BRD1: variants seen among roughly 807,000 people sequenced by gnomAD.
BRD1 encodes the protein bromodomain-containing protein 1.
A neutral mutation model predicts 107.7 loss-of-function variants in BRD1; 24 were observed. The observed-to-expected ratio is 0.22, with a 90% CI of 0.16 to 0.31. BRD1 has a LOEUF of 0.31. BRD1 is among the 10% of genes least tolerant of loss of function. BRD1 has a pLI of 1.00. For synonymous variants in BRD1, 744 were observed against 686.1 expected (o/e 1.08, Z -1.32); for missense variants, 1,279 against 1,638.6 (o/e 0.78, Z 3.79).
At chr22:49,821,219 G>A (rs887920121) in intron 2 of BRD1, among the ~76,000 whole-genome samples, 1 of 152,220 alleles carries the variant, frequency 6.6e-6, no homozygotes, top group Non-Finnish European at 1.5e-5. Flanking sequence ...CTCTCCCAGA[G>A]CAGGTCATCA....
chr22:49,816,286 T>C (rs1423976525), intron 2 of BRD1, among the ~76,000 whole-genome samples: 1 of 151,890 alleles, frequency 6.6e-6, no homozygotes, highest in Non-Finnish European at 1.5e-5. Context: ...AAGGATGCAG[T>C]GACCTAGGAT....
chr22:49,801,916 T>G (rs1209968719), intron 3 of BRD1, among the ~76,000 whole-genome samples: 1 of 152,340 alleles, frequency 6.6e-6, no homozygotes, highest in Non-Finnish European at 1.5e-5. Context: ...CTGCAGGGAT[T>G]CTGGCCCTCG....
At chr22:49,818,843 G>A (rs972968532) in intron 2 of BRD1, among the ~76,000 whole-genome samples, 2 of 152,042 alleles carry the variant, frequency 1.3e-5, no homozygotes, top group African/African-American at 4.8e-5. Context: ...CCGAGATCGT[G>A]CCACTGCGCT....
intron 2 of BRD1, among the ~76,000 whole-genome samples, chr22:49,811,606 T>C (rs2059851136): frequency 1.3e-5 from 2 of 152,338 alleles, no homozygotes; most frequent in Non-Finnish European, 2.9e-5. Context: ...ACAGGGAGAC[T>C]GTGATCACGC....
chr22:49,801,095 G>T (rs1039994573), intron 3 of BRD1, among the ~76,000 whole-genome samples: 16 of 152,346 alleles, frequency 1.1e-4, no homozygotes, highest in African/African-American at 3.8e-4. Flanking sequence ...GGACGATGTG[G>T]GCAGCAGCGC....
chr22:49,798,956 G>A (rs1232599432), intron 4 of BRD1, 32 bp downstream of exon 4: 1 of 1,577,062 alleles, frequency 6.3e-7, no homozygotes, highest in South Asian at 1.1e-5. Context: ...GTGGCCAGTG[G>A]TGCACTCCAC....
chr22:49,775,516 G>A, intron 12 of BRD1, 75 bp downstream of exon 12: 2 of 1,269,534 alleles, frequency 1.6e-6, no homozygotes, highest in Non-Finnish European at 1.0e-6. Flanking sequence ...CTCACCACAG[G>A]GACACTCAGG....
intron 2 of BRD1, 125 bp downstream of exon 2, chr22:49,822,826 A>G: frequency 8.9e-7 from 1 of 1,126,276 alleles, no homozygotes; most frequent in Non-Finnish European, 1.3e-6. Context: ...TCAGGGGAAT[A>G]TTAGGAAGCT....
chr22:49,798,298 C>G (rs2147144028), intron 5 of BRD1, among the ~76,000 whole-genome samples, 181 bp from the exon 6 acceptor site: 1 of 152,352 alleles, frequency 6.6e-6, no homozygotes, highest in South Asian at 2.1e-4. Flanking sequence ...GCTCCTTCAG[C>G]TAAAGCACGC....
chr22:49,826,125 G>A (rs1433734730), intron 1 of BRD1: 10 of 969,932 alleles, frequency 1.0e-5, no homozygotes, highest in Non-Finnish European at 1.1e-5. Context: ...ACTGAGGTGG[G>A]GCAGAAGCAA....
At chr22:49,820,232 G>C (rs560770671) in intron 2 of BRD1, among the ~76,000 whole-genome samples, 1 of 152,346 alleles carries the variant, frequency 6.6e-6, no homozygotes, top group South Asian at 2.1e-4. Context: ...GGCAGATTCT[G>C]TTCTGTCCAC....
At position 49,812,435 on chromosome 22, in the gene BRD1, G is replaced by A. The variant is rs78784284; in HGVS notation, c.1368-8075C>T. Among the ~76,000 whole-genome samples, 714 of 152,276 alleles carry A rather than the reference G, an allele frequency of 4.7e-3. 6 individuals carry two copies. Among genetic ancestry groups the A allele is most frequent in the East Asian group, 0.034 (174 of 5,182 alleles). On this transcript the variant is annotated intron_variant, in intron 2 of 12. Coordinates refer to ENST00000404760, the MANE Select transcript of BRD1 (RefSeq NM_001304808.3). ...GAAGTCCTAGAGAGAGCCAGGAGTC[G>A]TGGCACATGCCTATAATCCCAGCTA... is the stretch of plus-strand genomic sequence containing the variant.
chr22:49,822,903 G>A (rs745919534), intron 2 of BRD1, 48 bp downstream of exon 2: 3 of 1,593,972 alleles, frequency 1.9e-6, no homozygotes, highest in Non-Finnish European at 2.6e-6. Flanking sequence ...TCCTCCCAGG[G>A]TCCCACACTG....
chr22:49,776,958 CAGTCCCCAGCAGTCG>C (rs1488123922), intron 10 of BRD1, 61 bp downstream of exon 10: 3 of 1,583,168 alleles, frequency 1.9e-6, no homozygotes, highest in Non-Finnish European at 2.6e-6. Flanking sequence ...AGCCGGAGTC[CAGTCCCCAGCAGTCG>C]AGCCCTAAGA....
At position 49,776,157 on chromosome 22, in the gene BRD1, C is replaced by T. The variant is rs1489886084; in HGVS notation, c.3124G>A (p.Val1042Ile). 6.2e-7 allele frequency: 1 copy of T among 1,604,094 alleles called. No homozygotes were observed. ...GAGATCCACATGCTGCTCTGGCCGA[C>T]TTCTGCGGAGAGGGGCGTCAGCAGG... ...YAKAARIAAE[V>I]GQSSMWISTD... Residue 1042 changes from valine to isoleucine, a missense_variant and splice_region_variant, in exon 11 of 13, where the codon GTC (valine) becomes ATC (isoleucine). Val to Ile is a conservative substitution (Grantham distance 29). Coordinates refer to ENST00000404760, the MANE Select transcript of BRD1 (RefSeq NM_001304808.3).
chr22:49,799,215 G>A (rs1387711221), intron 3 of BRD1, 96 bp from the exon 4 acceptor site: 23 of 1,493,910 alleles, frequency 1.5e-5, no homozygotes, highest in South Asian at 3.8e-5. Flanking sequence ...AGGCATCCAC[G>A]TCAGGGGTCC....
Position 49,792,969 on chromosome 22 carries a change from T to C in BRD1, c.2359+1065A>G, listed in dbSNP as rs1443674938. On this transcript the variant is annotated intron_variant, in intron 7 of 12. Coordinates refer to ENST00000404760, the MANE Select transcript of BRD1 (RefSeq NM_001304808.3). The surrounding 1 kb of genome is among the most constrained non-coding windows in gnomAD (Gnocchi z 4.2). Reference sequence around the variant, plus strand: ...GCGTCACTCCGAGCACAGACGTCCATAAGAGATGAACGTCTTTGTTTTAAA... The same window carrying C: ...GCGTCACTCCGAGCACAGACGTCCACAAGAGATGAACGTCTTTGTTTTAAA... Among the ~76,000 whole-genome samples the C allele has an allele frequency of 6.6e-6, 1 of 152,176 alleles. No individual in the cohort carries two copies. The highest frequency in any genetic ancestry group is 1.5e-5 in the Non-Finnish European group (1 of 68,032).
At chr22:49,804,450 A>T in intron 2 of BRD1, 90 bp from the exon 3 acceptor site, 1 of 1,414,012 alleles carries the variant, frequency 7.1e-7, no homozygotes, top group Non-Finnish European at 9.5e-7. Flanking sequence ...CTGCTAACAA[A>T]ACCATGTGTT....
intron 1 of BRD1, among the ~76,000 whole-genome samples, chr22:49,825,294 A>AGT (rs2060134751): frequency 6.6e-6 from 1 of 151,954 alleles, no homozygotes; most frequent in Non-Finnish European, 1.5e-5. Context: ...ACCCCCAGGA[A>AGT]CCCCTCGCTG....
Sources: allele counts gnomAD v4.1 joint callset (sites outside exome capture counted in the v4.1 genomes callset), GRCh38; gene constraint gnomAD v4.1.1; non-coding constraint Gnocchi (gnomAD v3.1); transcripts MANE v1.5; gene names NCBI Gene and HGNC (gene_info 2026-07-23, HGNC 2026-07-21).